NLRP2: variants seen among roughly 807,000 people sequenced by gnomAD.
NLRP2 encodes NLR family pyrin domain containing 2.
A neutral mutation model predicts 97.2 loss-of-function variants in NLRP2; 107 were observed. The observed-to-expected ratio is 1.10, with a 90% CI of 0.94 to 1.29. The LOEUF is 1.29. Among genes scored for constraint, NLRP2 ranks in the 50% most tolerant of loss-of-function variants. The probability of loss-of-function intolerance (pLI) is 0.00; values close to 1 mark genes in which losing one functional copy is unlikely to be tolerated. For missense variants in NLRP2, 1,495 were observed against 1,330.3 expected (o/e 1.12, Z -1.93); for synonymous variants, 663 against 551.5 (o/e 1.20, Z -2.83).
chr19:54,994,608 C>CTA (rs2072703277), intron 11 of NLRP2, among the ~76,000 whole-genome samples, 169 bp downstream of exon 11: 1 of 151,498 alleles, frequency 6.6e-6, no homozygotes, highest in Admixed American at 6.6e-5. Context: ...TAGTCTATGT[C>CTA]TAAGTTTTTG....
At position 54,970,093 on chromosome 19, in the gene NLRP2, C is replaced by G; in HGVS notation, c.78C>G (p.Phe26Leu). 6.2e-7 allele frequency: 1 copy of G among 1,614,064 alleles called. No homozygotes were observed. The highest frequency in any genetic ancestry group is 8.5e-7 in the Non-Finnish European group (1 of 1,180,022). The change falls in exon 2 of 13, where the codon TTC (phenylalanine) becomes TTG (leucine). Residue 26 changes from phenylalanine (F) to leucine (L), a missense_variant. Phe to Leu is a conservative substitution (Grantham distance 22). Transcript: ENST00000448584. ...EQLSQDELSK[F>L]KYLITTFSLA... ...TCAGCCAGGATGAGTTGAGCAAGTT[C>G]AAGTATCTGATCACGACCTTCTCCC...
intron 11 of NLRP2, 41 bp downstream of exon 11, chr19:54,994,480 TA>T (rs1005179096): frequency 1.2e-6 from 2 of 1,600,514 alleles, no homozygotes; most frequent in African/African-American, 2.7e-5. Flanking sequence ...ACTTACACCT[TA>T]CTGAATCTGT....
At chr19:54,980,054 C>T (rs889115606) in intron 4 of NLRP2, among the ~76,000 whole-genome samples, 1 of 151,958 alleles carries the variant, frequency 6.6e-6, no homozygotes. Flanking sequence ...GGATGACAGG[C>T]GTGAGCCACT....
chr19:54,968,913 G>A (rs1241069888), intron 1 of NLRP2, among the ~76,000 whole-genome samples: 10 of 151,750 alleles, frequency 6.6e-5, no homozygotes, highest in African/African-American at 2.4e-4. Flanking sequence ...GTGTTAGCCA[G>A]GATGGTCTCG....
chr19:54,997,162 C>T (rs548390353), intron 11 of NLRP2, among the ~76,000 whole-genome samples, 155 bp from the exon 12 acceptor site: 11 of 152,330 alleles, frequency 7.2e-5, no homozygotes, highest in African/African-American at 2.6e-4. Context: ...ACCTCGGCCT[C>T]CCAAAGTGCT....
rs961658699 is a variant in NLRP2 at position 54,968,196 on chromosome 19, G to A, written c.-18+1729G>A. Among the ~76,000 whole-genome samples, 3 of 148,776 alleles carry A rather than the reference G, an allele frequency of 2.0e-5. No individual in the cohort carries two copies. The Admixed American group carries it at 2.0e-4, about 10-fold the overall frequency. Reference sequence around the variant, plus strand: ...GACTCCCAAAGTGCTGTGATTACAGGCGTGAGCCACCGCACCCGGCCCTGT... The same window carrying A: ...GACTCCCAAAGTGCTGTGATTACAGACGTGAGCCACCGCACCCGGCCCTGT... On this transcript the variant is annotated intron_variant, in intron 1 of 12. Transcript: ENST00000448584.
chr19:54,988,473 T>C (rs2072243327), intron 8 of NLRP2, among the ~76,000 whole-genome samples: 1 of 152,048 alleles, frequency 6.6e-6, no homozygotes, highest in Non-Finnish European at 1.5e-5. Context: ...GTATTTTGTA[T>C]TTCTAGTAGA....
At chr19:54,989,732 C>T in intron 8 of NLRP2, 1 of 526,582 alleles carries the variant, frequency 1.9e-6, no homozygotes, top group East Asian at 3.4e-5. Context: ...GCCTGTCATC[C>T]CAGCACTCTG....
intron 1 of NLRP2, among the ~76,000 whole-genome samples, chr19:54,968,721 T>G (rs2146327395): frequency 6.8e-6 from 1 of 147,918 alleles, no homozygotes; most frequent in East Asian, 2.1e-4. Flanking sequence ...TTTGAGACAG[T>G]TTCACTCTTG....
chr19:54,968,701 C>CTTGTTTTTTTTTTTTT (rs2070641447), intron 1 of NLRP2, among the ~76,000 whole-genome samples: 1 of 114,284 alleles, frequency 8.8e-6, no homozygotes, highest in Non-Finnish European at 1.8e-5. Flanking sequence ...ATCTTTAAGC[C>CTTGTTTTTTTTTTTTT]TTTTTTTTTT....
At chr19:54,985,285 G>A (rs1485118076) in intron 7 of NLRP2, 68 bp downstream of exon 7, 6 of 1,448,444 alleles carry the variant, frequency 4.1e-6, no homozygotes, top group Non-Finnish European at 5.8e-6. Flanking sequence ...TAACATCGGA[G>A]CAATATTCAG....
rs201846421 is a variant in NLRP2, at chr19:54,982,901, C to T, written c.1203C>T (p.Cys401=). The T allele has an allele frequency of 7.6e-5, 123 of 1,613,044 alleles. No individual in the cohort carries two copies. Among genetic ancestry groups the T allele is most frequent in the Admixed American group, 1.7e-5 (1 of 60,000 alleles). Residue 401 remains cysteine (C), a synonymous_variant, in exon 6 of 13, where the codon TGC becomes TGT. Coordinates refer to ENST00000448584, the MANE Select transcript of NLRP2 (RefSeq NM_017852.5). ...AGCTGGGCTCGGCCCCCGCGGTGTG[C>T]TGGATCGTGTGCACGACTCTGAAGC... The part of the protein sequence containing the change: ...LFQLGSAPAV[C]WIVCTTLKLQ...
chr19:54,965,323 C>A (rs1192878412), upstream of NLRP2: 1 of 104,202 alleles, frequency 9.6e-6, no homozygotes, highest in East Asian at 2.7e-4. Flanking sequence ...CTTAATAGAG[C>A]TTTCTCAACC....
chr19:54,989,460 TA>T (rs1250015758), intron 8 of NLRP2: 1 of 173,642 alleles, frequency 5.8e-6, no homozygotes, highest in Non-Finnish European at 1.2e-5. Context: ...CGACAGAGCA[TA>T]AATAACTCCC....
chr19:54,981,331 G>C (rs1304398432), intron 4 of NLRP2, among the ~76,000 whole-genome samples: 2 of 151,934 alleles, frequency 1.3e-5, no homozygotes, highest in Non-Finnish European at 2.9e-5. Flanking sequence ...ACCACGCCTG[G>C]CTAATTTTTG....
rs760640250 is a variant in NLRP2, at chr19:54,986,140, CTT to C, written c.2202-8_2202-7del. 5 of 1,606,922 alleles carry C rather than the reference CTT, an allele frequency of 3.1e-6. No homozygotes were observed. In the African/African-American group the frequency reaches 4.0e-5, roughly 13 times the overall value. On this transcript the variant is annotated splice_polypyrimidine_tract_variant and intron_variant, in intron 7 of 12. Transcript: ENST00000448584. ...ACACTAAAGATTTCACTTTCGTTCT[CTT>C]TTCCCTAGGTTCAAAAACATTTCCC...
In NLRP2 at chr19:54,982,559, T is replaced by C. The variant is rs1454564132; in HGVS notation, c.861T>C (p.Ile287=). The C allele has an allele frequency of 6.2e-7, 1 of 1,614,200 alleles. No individual in the cohort carries two copies. Among genetic ancestry groups the C allele is most frequent in the Non-Finnish European group, 8.5e-7 (1 of 1,180,048 alleles). Residue 287 remains isoleucine, a synonymous_variant, in exon 6 of 13, where the codon ATT becomes ATC. Transcript: ENST00000448584. ...LAQARKILFV[I]DGFDELGAAP... ...AAGCACGGAAAATCTTGTTCGTGAT[T>C]GACGGCTTTGATGAGCTGGGAGCCG...
At chr19:54,976,362 C>T (rs2071228435) in intron 3 of NLRP2, among the ~76,000 whole-genome samples, 1 of 151,478 alleles carries the variant, frequency 6.6e-6, no homozygotes, top group Admixed American at 6.6e-5. Context: ...CTCATGAAGA[C>T]CTTTTTTGAG....
intron 3 of NLRP2, chr19:54,976,777 AGATATTGT>A (rs1341630973): frequency 4.8e-6 from 2 of 412,914 alleles, no homozygotes; most frequent in African/African-American, 2.4e-5. Flanking sequence ...GTTAAGCTGC[AGATATTGT>A]TATTAGGATT....
Sources: allele counts gnomAD v4.1 joint callset (sites outside exome capture counted in the v4.1 genomes callset), GRCh38; gene constraint gnomAD v4.1.1; transcripts MANE v1.5; gene names NCBI Gene and HGNC (gene_info 2026-07-23, HGNC 2026-07-21).